Variants in TYR observed in about 807,000 individuals in gnomAD.
TYR encodes the protein tyrosinase.
In TYR, 58 loss-of-function variants were observed where a neutral mutation model predicts 51.5. The observed-to-expected ratio is 1.13, with a 90% CI of 0.91 to 1.40. The LOEUF (loss-of-function observed/expected upper bound fraction) is 1.40, where lower values mean the gene tolerates loss of function less well. Ranked by LOEUF, TYR falls within the 40% of genes most tolerant of loss-of-function variation. The pLI is 0.00. For missense variants in TYR, 732 were observed against 647.4 expected (o/e 1.13, Z -1.42); for synonymous variants, 263 against 235.2 (o/e 1.12, Z -1.08).
chr11:89,183,338 T>A (rs1943326345), intron 1 of TYR, among the ~76,000 whole-genome samples: 1 of 152,030 alleles, frequency 6.6e-6, no homozygotes, highest in African/African-American at 2.4e-5. Context: ...CATCAGAACA[T>A]CCAGGCTCAA....
intron 3 of TYR, among the ~76,000 whole-genome samples, chr11:89,231,429 G>A (rs1944048915): frequency 7.0e-6 from 1 of 142,852 alleles, no homozygotes; most frequent in South Asian, 2.3e-4. Flanking sequence ...AAGAAAATGT[G>A]GTATATATAC....
chr11:89,251,683 A>G (rs1341142825), intron 3 of TYR, among the ~76,000 whole-genome samples: 1 of 151,930 alleles, frequency 6.6e-6, no homozygotes, highest in Non-Finnish European at 1.5e-5. Flanking sequence ...AAGAAGCAGC[A>G]CAGCTCCTGT....
intron 3 of TYR, among the ~76,000 whole-genome samples, chr11:89,262,521 G>A (rs545295857): frequency 5.5e-5 from 8 of 144,916 alleles, no homozygotes; most frequent in South Asian, 2.2e-4. Context: ...TAGAGAATAC[G>A]AACACAGTAG....
intron 1 of TYR, among the ~76,000 whole-genome samples, chr11:89,186,299 G>C (rs571125182): frequency 6.6e-6 from 1 of 152,298 alleles, no homozygotes; most frequent in East Asian, 1.9e-4. Context: ...GAGGTTTAAT[G>C]ATCTGTGGTC....
chr11:89,285,130 TC>T (rs1316102626), intron 4 of TYR, among the ~76,000 whole-genome samples, 176 bp downstream of exon 4: 1 of 151,780 alleles, frequency 6.6e-6, no homozygotes, highest in Non-Finnish European at 1.5e-5. Context: ...ATTCTGAGGA[TC>T]TTTAAAGTCA....
chr11:89,253,321 G>A (rs1944351559), intron 3 of TYR, among the ~76,000 whole-genome samples: 1 of 151,684 alleles, frequency 6.6e-6, no homozygotes, highest in South Asian at 2.1e-4. Flanking sequence ...TATTTATTTA[G>A]TATTGTTGAG....
At chr11:89,235,428 T>C (rs369934437) in intron 3 of TYR, among the ~76,000 whole-genome samples, 2 of 152,178 alleles carry the variant, frequency 1.3e-5, no homozygotes, top group East Asian at 3.8e-4. Flanking sequence ...AAACTAAGTG[T>C]CCATAATTGG....
intron 3 of TYR, among the ~76,000 whole-genome samples, chr11:89,246,128 C>T (rs1944265213): frequency 6.7e-6 from 1 of 149,382 alleles, no homozygotes; most frequent in Admixed American, 6.7e-5. Context: ...GAACTGAGAC[C>T]GAGGTATAAA....
intron 1 of TYR, among the ~76,000 whole-genome samples, chr11:89,179,525 G>C (rs1943272847): frequency 6.6e-6 from 1 of 151,628 alleles, no homozygotes; most frequent in South Asian, 2.1e-4. Flanking sequence ...CAGGTAACTT[G>C]TATAAGATCA....
intron 2 of TYR, among the ~76,000 whole-genome samples, chr11:89,214,486 G>A (rs566134426): frequency 1.5e-3 from 225 of 152,214 alleles, no homozygotes; most frequent in Non-Finnish European, 2.1e-3. Context: ...ATTCCTCAAG[G>A]ATCTAGAACT....
chr11:89,260,732 A>G (rs1264069376), intron 3 of TYR, among the ~76,000 whole-genome samples: 1 of 152,170 alleles, frequency 6.6e-6, no homozygotes, highest in African/African-American at 2.4e-5. Context: ...AAGGCTATAA[A>G]TCCAGGTTGG....
At chr11:89,277,983 AC>A (rs1450468379) in intron 3 of TYR, among the ~76,000 whole-genome samples, 4 of 151,550 alleles carry the variant, frequency 2.6e-5, no homozygotes, top group African/African-American at 4.8e-5. Flanking sequence ...AATCTCCCTA[AC>A]ATGGCCTCTG....
At chr11:89,245,333 T>C (rs1944250448) in intron 3 of TYR, among the ~76,000 whole-genome samples, 2 of 152,178 alleles carry the variant, frequency 1.3e-5, no homozygotes, top group South Asian at 2.1e-4. Context: ...ATTCAATCAA[T>C]AGTTACAGAA....
Position 89,284,905 on chromosome 11 carries a change from T to C in TYR, c.1317T>C (p.Phe439=), listed in dbSNP as rs775433328. The C allele has an allele frequency of 5.0e-6, 8 of 1,611,730 alleles. No individual in the cohort carries two copies. The highest frequency in any genetic ancestry group is 5.1e-6 in the Non-Finnish European group (6 of 1,178,494). The change falls in exon 4 of 5, where the codon TTT becomes TTC. Residue 439 remains phenylalanine (F), a synonymous_variant. Coordinates refer to ENST00000263321, the MANE Select transcript of TYR (RefSeq NM_000372.5). ...FIPLYRNGDF[F]ISSKDLGYDY... ...CACTGTACAGAAATGGTGATTTCTTTATTTCATCCAAAGATCTGGGCTATG... is the reference window on the plus strand; with the variant it reads ...CACTGTACAGAAATGGTGATTTCTTCATTTCATCCAAAGATCTGGGCTATG...
intron 4 of TYR, among the ~76,000 whole-genome samples, chr11:89,294,508 G>A (rs1944884689): frequency 6.6e-6 from 1 of 152,180 alleles, no homozygotes; most frequent in African/African-American, 2.4e-5. Context: ...CCAGAGTGCG[G>A]ACGCTCCAGG....
intron 2 of TYR, among the ~76,000 whole-genome samples, chr11:89,195,669 C>CATAA (rs71840089): frequency 0.017 from 2,575 of 151,344 alleles, 61 homozygotes; most frequent in African/African-American, 0.056. Flanking sequence ...AGACTCTTCC[C>CATAA]ATAAATAAAT....
At chr11:89,225,343 A>G (rs1425548957) in intron 2 of TYR, among the ~76,000 whole-genome samples, 3 of 151,858 alleles carry the variant, frequency 2.0e-5, no homozygotes, top group African/African-American at 7.2e-5. Flanking sequence ...ATTAACTATA[A>G]TCACCATGTT....
At chr11:89,293,435 C>A (rs934658760) in intron 4 of TYR, among the ~76,000 whole-genome samples, 1 of 151,480 alleles carries the variant, frequency 6.6e-6, no homozygotes, top group African/African-American at 2.4e-5. Flanking sequence ...AAATTTTCCC[C>A]GACATTTAGA....
chr11:89,190,122 T>C (rs1943423162), intron 1 of TYR, among the ~76,000 whole-genome samples: 1 of 152,176 alleles, frequency 6.6e-6, no homozygotes, highest in African/African-American at 2.4e-5. Flanking sequence ...ACAACTATGT[T>C]ACTGGTTTAT....
Sources: allele counts gnomAD v4.1 joint callset (sites outside exome capture counted in the v4.1 genomes callset), GRCh38; gene constraint gnomAD v4.1.1; transcripts MANE v1.5; gene names NCBI Gene and HGNC (gene_info 2026-07-23, HGNC 2026-07-21).